The following PRR5 variants were observed in gnomAD, a reference collection of about 807,000 sequenced individuals.
PRR5 encodes the protein proline rich 5.
PRR5 carries 25 observed loss-of-function variants against 30.6 expected under a neutral mutation model. The observed-to-expected ratio is 0.82, with a 90% CI of 0.60 to 1.14. PRR5 has a LOEUF of 1.14. Among genes scored for constraint, PRR5 ranks in the 50% most tolerant of loss-of-function variants. The pLI is 0.00. For synonymous variants in PRR5, 286 were observed against 247.1 expected, an observed-to-expected ratio of 1.16 and a Z score of -1.48; for missense variants, 600 against 547.1, an observed-to-expected ratio of 1.10 and a Z score of -0.96.
intron 1 of PRR5, among the ~76,000 whole-genome samples, chr22:44,683,706 C>T (rs995527110): frequency 6.6e-6 from 1 of 152,256 alleles, no homozygotes; most frequent in Non-Finnish European, 1.5e-5. Flanking sequence ...GCCTCAGATC[C>T]AGTCCCTCTG....
intron 6 of PRR5, among the ~76,000 whole-genome samples, chr22:44,732,740 A>T (rs1602095142): frequency 7.6e-6 from 1 of 130,866 alleles, no homozygotes; most frequent in Non-Finnish European, 1.7e-5. Flanking sequence ...CATACACACC[A>T]CACACGTGTG....
rs57193514 is a variant in PRR5, at chr22:44,717,189, C to CTTTT, written c.215+2534_215+2537dup. 3.0e-3 allele frequency among the ~76,000 whole-genome samples: 346 copies of CTTTT among 116,738 alleles called. 9 individuals carry two copies. The highest frequency in any genetic ancestry group is 8.6e-3 in the African/African-American group (259 of 30,278). The allele number at this position is 116,738 out of a possible 152,430, so 76.6% of individuals were successfully genotyped here. ...CAGCCTCCAAATGGTCCCCCTTACC[C>CTTTT]TTTTTTTTTTTTTTTTTTTGAGACG... is the stretch of plus-strand genomic sequence containing the variant. On this transcript the variant is annotated intron_variant, in intron 2 of 7. Transcript: ENST00000336985.
intron 1 of PRR5, among the ~76,000 whole-genome samples, chr22:44,687,882 C>T (rs376802811): frequency 5.3e-5 from 8 of 152,178 alleles, no homozygotes; most frequent in African/African-American, 1.9e-4. Context: ...TCAAGCGATT[C>T]TCCTGTCTCA....
At chr22:44,731,951 G>A in intron 5 of PRR5, 130 bp downstream of exon 5, 1 of 1,045,636 alleles carries the variant, frequency 9.6e-7, no homozygotes, top group Admixed American at 2.4e-5. Context: ...CTCTCCTTGG[G>A]CTACCTGAGT....
intron 1 of PRR5, among the ~76,000 whole-genome samples, chr22:44,682,056 C>T (rs1924340751): frequency 6.6e-6 from 1 of 152,216 alleles, no homozygotes; most frequent in Non-Finnish European, 1.5e-5. Context: ...GGACCTGCCT[C>T]ACCACTGGCC....
At chr22:44,670,274 A>G (rs1291963912) in intron 1 of PRR5, among the ~76,000 whole-genome samples, 2 of 152,186 alleles carry the variant, frequency 1.3e-5, no homozygotes, top group African/African-American at 4.8e-5. Flanking sequence ...AGAGGAGGTT[A>G]TGGCCTCCCC....
intron 1 of PRR5, among the ~76,000 whole-genome samples, chr22:44,687,674 G>A (rs988569463): frequency 5.3e-5 from 8 of 152,160 alleles, no homozygotes; most frequent in Non-Finnish European, 8.8e-5. Flanking sequence ...CTTGCTCCGC[G>A]CCTGGTCTCC....
At chr22:44,721,515 G>A (rs73173636) in intron 2 of PRR5, among the ~76,000 whole-genome samples, 1,894 of 152,294 alleles carry the variant, frequency 0.012, 14 homozygotes, top group Non-Finnish European at 0.021. Flanking sequence ...TTGTGGTAGG[G>A]GACGAATCAG....
chr22:44,671,931 G>A (rs1328715243), intron 1 of PRR5, among the ~76,000 whole-genome samples: 3 of 152,254 alleles, frequency 2.0e-5, no homozygotes, highest in Non-Finnish European at 2.9e-5. Flanking sequence ...GTGTAAAGTA[G>A]TGATGTCATT....
intron 2 of PRR5, among the ~76,000 whole-genome samples, chr22:44,722,182 C>T (rs147226339): frequency 4.6e-5 from 7 of 152,340 alleles, no homozygotes; most frequent in South Asian, 4.1e-4. Flanking sequence ...TGGGCCTCAA[C>T]GCCAGTCCTG....
chr22:44,702,265 C>A lies in PRR5; in HGVS notation c.-210C>A, dbSNP rs1250002700. ...CCTGGCGCTCCACGCTGAGCCTCTC[C>A]GTGCAATGATTAACCCGGCGGGGCG... On this transcript the variant is annotated 5_prime_UTR_variant, in exon 1 of 8. Coordinates refer to ENST00000336985, the MANE Select transcript of PRR5 (RefSeq NM_181333.4). 4 of 1,140,738 alleles carry A rather than the reference C, an allele frequency of 3.5e-6. No individual in the cohort carries two copies. The highest frequency in any genetic ancestry group is 3.3e-5 in the African/African-American group (2 of 59,790). 70.7% of individuals were successfully genotyped at this position (1,140,738 alleles called of 1,614,324 possible).
intron 6 of PRR5, 118 bp downstream of exon 6, chr22:44,732,509 G>A (rs1004775789): frequency 2.3e-5 from 33 of 1,408,418 alleles, no homozygotes; most frequent in Admixed American, 1.3e-4. Flanking sequence ...GGAAGGGCCC[G>A]ATCAGAGGAG....
chr22:44,695,618 G>A (rs1266500347), intron 1 of PRR5, among the ~76,000 whole-genome samples: 1 of 152,042 alleles, frequency 6.6e-6, no homozygotes, highest in Non-Finnish European at 1.5e-5. Flanking sequence ...TTTGTTTTGA[G>A]ACAGAGTTTT....
intron 1 of PRR5, among the ~76,000 whole-genome samples, chr22:44,690,035 C>T (rs975292082): frequency 6.6e-6 from 1 of 151,970 alleles, no homozygotes; most frequent in Non-Finnish European, 1.5e-5. Flanking sequence ...GGGGGCAGCA[C>T]GGGTCTGACA....
chr22:44,708,584 C>T (rs191687430), intron 1 of PRR5, among the ~76,000 whole-genome samples: 183 of 152,276 alleles, frequency 1.2e-3, no homozygotes, highest in Non-Finnish European at 2.0e-3. Context: ...TGACCTGTAC[C>T]GGGCCCTATG....
chr22:44,700,658 T>G (rs115475616), upstream of PRR5, among the ~76,000 whole-genome samples: 1,393 of 152,182 alleles, frequency 9.2e-3, 18 homozygotes, highest in African/African-American at 0.032. Context: ...CACTTGACAG[T>G]TAGTTTATAA....
chr22:44,717,173 A>G (rs1929179341), intron 2 of PRR5, among the ~76,000 whole-genome samples: 1 of 150,338 alleles, frequency 6.7e-6, no homozygotes, highest in Non-Finnish European at 1.5e-5. Flanking sequence ...CCAGCCTCCA[A>G]ATGGTCCCCC....
At chr22:44,725,952 A>G (rs1189706882) in intron 3 of PRR5, among the ~76,000 whole-genome samples, 6 of 152,358 alleles carry the variant, frequency 3.9e-5, no homozygotes, top group African/African-American at 1.4e-4. Context: ...GGCGTGAGCC[A>G]CCGCGCCCGA....
At chr22:44,729,155 G>A (rs1300633418) in intron 4 of PRR5, among the ~76,000 whole-genome samples, 1 of 152,182 alleles carries the variant, frequency 6.6e-6, no homozygotes, top group Non-Finnish European at 1.5e-5. Context: ...TGACCCAGCT[G>A]TGCTGCCTTA....
Sources: gnomAD v4.1 joint callset for allele counts (sites outside exome capture counted in the v4.1 genomes callset) on GRCh38, gnomAD v4.1.1 for gene constraint, MANE v1.5 for transcripts, NCBI Gene and HGNC (gene_info 2026-07-23, HGNC 2026-07-21) for gene names.